PCSK2: variants seen among roughly 807,000 people sequenced by gnomAD.
PCSK2 encodes the protein proprotein convertase subtilisin/kexin type 2, also known as neuroendocrine convertase 2.
PCSK2 carries 14 observed loss-of-function variants against 69.7 expected under a neutral mutation model. The observed-to-expected ratio is 0.20, with a 90% confidence interval of 0.13 to 0.31. The LOEUF is 0.31. PCSK2 is among the 10% of genes least tolerant of loss of function. The pLI, the probability that PCSK2 is intolerant of heterozygous loss-of-function variation, is 1.00. For missense variants in PCSK2, 544 were observed against 842.5 expected, an observed-to-expected ratio of 0.65 and a Z score of 4.39; for synonymous variants, 307 against 320.7, an observed-to-expected ratio of 0.96 and a Z score of 0.46.
intron 4 of PCSK2, 152 bp from the exon 5 acceptor site, chr20:17,369,088 C>T: frequency 1.5e-6 from 1 of 685,098 alleles, no homozygotes. Flanking sequence ...AAGGGAGGTG[C>T]AAGACTGGGA....
At chr20:17,249,776 TA>T (rs1986905274) in intron 1 of PCSK2, among the ~76,000 whole-genome samples, 1 of 152,100 alleles carries the variant, frequency 6.6e-6, no homozygotes, top group South Asian at 2.1e-4. Context: ...TCCACTTATA[TA>T]ACCTAATTCG....
In PCSK2 at chr20:17,450,017, C is replaced by CTTTTTTTTTTTTTTTTTTTTTTTTTT. The variant is rs61156656; in HGVS notation, c.886-3720_886-3695dup. ...TTTTTAAGTTTGTTGAATTTCTTCCCTTTTTTTTTTTTTTTTTTTTTTTTT... is the reference window on the plus strand; with the variant it reads ...TTTTTAAGTTTGTTGAATTTCTTCCCTTTTTTTTTTTTTTTTTTTTTTTTTTTTTTTTTTTTTTTTTTTTTTTTTTT... On this transcript the variant is annotated intron_variant, in intron 8 of 11. Transcript: ENST00000262545. Among the ~76,000 whole-genome samples the CTTTTTTTTTTTTTTTTTTTTTTTTTT allele has an allele frequency of 2.1e-4, 13 of 61,834 alleles. 1 individual carries two copies. Among genetic ancestry groups the CTTTTTTTTTTTTTTTTTTTTTTTTTT allele is most frequent in the Non-Finnish European group, 3.4e-4 (12 of 34,974 alleles). The allele number at this position is 61,834 out of a possible 152,430, so 40.6% of individuals were successfully genotyped here. A position where few individuals can be genotyped will look rare whatever the true frequency, so the allele number is the denominator to read the frequency against.
intron 5 of PCSK2, among the ~76,000 whole-genome samples, chr20:17,407,656 C>T (rs963187680): frequency 2.0e-5 from 3 of 152,098 alleles, no homozygotes; most frequent in Non-Finnish European, 4.4e-5. Context: ...CCCAGGAACA[C>T]GGATTGCGGG....
In PCSK2 at chr20:17,430,677, G is replaced by A. The variant is rs915812088; in HGVS notation, c.709+1154G>A. On this transcript the variant is annotated intron_variant, in intron 7 of 11. Transcript: ENST00000262545. ...ACATCCAAAATGCTGGCATTAAAAT[G>A]TCAGGAGCCATTATGAGCTCAGGGG... Among the ~76,000 whole-genome samples, 5 of 152,314 alleles carry A rather than the reference G, an allele frequency of 3.3e-5. No homozygotes were observed. In the East Asian group the frequency reaches 9.6e-4, roughly 29 times the overall value.
At chr20:17,461,639 C>T (rs2033015616) in intron 10 of PCSK2, among the ~76,000 whole-genome samples, 1 of 152,214 alleles carries the variant, frequency 6.6e-6, no homozygotes, top group Admixed American at 6.5e-5. Context: ...TCTAAAGATG[C>T]ATGTGCTGAC....
chr20:17,293,808 T>C (rs1012527880), intron 2 of PCSK2, among the ~76,000 whole-genome samples: 1 of 152,202 alleles, frequency 6.6e-6, no homozygotes, highest in African/African-American at 2.4e-5. Context: ...TTCTCAGGAA[T>C]TGTTCAGCCC....
intron 5 of PCSK2, among the ~76,000 whole-genome samples, chr20:17,378,921 C>A (rs1461934173): frequency 6.6e-6 from 1 of 152,188 alleles, no homozygotes; most frequent in Non-Finnish European, 1.5e-5. Flanking sequence ...TATATACGCA[C>A]TGAATTCCCA....
intron 8 of PCSK2, among the ~76,000 whole-genome samples, chr20:17,448,164 A>G (rs1460401939): frequency 6.6e-6 from 1 of 152,206 alleles, no homozygotes; most frequent in Admixed American, 6.5e-5. Flanking sequence ...TTACAAAAAG[A>G]TAAGCTCTCC....
intron 5 of PCSK2, among the ~76,000 whole-genome samples, chr20:17,403,373 G>T (rs912463816): frequency 3.9e-5 from 6 of 152,216 alleles, no homozygotes; most frequent in African/African-American, 1.4e-4. Flanking sequence ...ACCAGTGCAT[G>T]TGGGAGAATT....
At chr20:17,278,625 A>G (rs1988185105) in intron 2 of PCSK2, among the ~76,000 whole-genome samples, 1 of 152,150 alleles carries the variant, frequency 6.6e-6, no homozygotes, top group Non-Finnish European at 1.5e-5. Context: ...ATGCTAAATG[A>G]CGAGTTAATG....
At chr20:17,383,814 A>C (rs775385767) in intron 5 of PCSK2, among the ~76,000 whole-genome samples, 3 of 152,210 alleles carry the variant, frequency 2.0e-5, no homozygotes, top group Non-Finnish European at 4.4e-5. Flanking sequence ...TATTAATATT[A>C]AACTTGATGC....
chr20:17,435,938 C>T (rs1311254859), intron 7 of PCSK2, among the ~76,000 whole-genome samples: 1 of 152,182 alleles, frequency 6.6e-6, no homozygotes, highest in Non-Finnish European at 1.5e-5. Flanking sequence ...GGGGGCAGCG[C>T]CAGCACCTTC....
In PCSK2 at chr20:17,481,832, G is replaced by A. The variant is rs765879768; in HGVS notation, c.1679G>A (p.Trp560Ter). The A allele has an allele frequency of 6.2e-7, 1 of 1,614,142 alleles. No homozygotes were observed. Among genetic ancestry groups the A allele is most frequent in the Non-Finnish European group, 8.5e-7 (1 of 1,180,014 alleles). The part of the protein sequence containing the change: ...DKWPFMTTHT[W>*]GEDARGTWTL... The stretch of plus-strand genomic sequence containing the variant: ...TGGCCTTTCATGACCACTCACACGT[G>A]GGGGGAAGACGCCCGAGGCACCTGG... The change falls in exon 12 of 12, where the codon TGG (tryptophan) becomes TAG (stop). Residue 560 changes from tryptophan (W) to a stop codon, truncating the protein, a stop_gained. Transcript: ENST00000262545. LOFTEE classifies it high-confidence loss of function.
At position 17,328,780 on chromosome 20, in the gene PCSK2, G is replaced by A. The variant is rs73251735; in HGVS notation, c.283-29547G>A. On this transcript the variant is annotated intron_variant, in intron 2 of 11. Coordinates refer to ENST00000262545, the MANE Select transcript of PCSK2 (RefSeq NM_002594.5). Reference sequence around the variant, plus strand: ...CACACAGTCAACTTGTGGCTGAGCTGTGAGTTAAATGATGAAACTGAAGCA... The same window carrying A: ...CACACAGTCAACTTGTGGCTGAGCTATGAGTTAAATGATGAAACTGAAGCA... Among the ~76,000 whole-genome samples, 1,384 of 152,330 alleles carry A rather than the reference G, an allele frequency of 9.1e-3. 23 individuals carry two copies. Among genetic ancestry groups the A allele is most frequent in the African/African-American group, 0.031 (1,282 of 41,564 alleles).
intron 10 of PCSK2, chr20:17,465,041 A>G: frequency 2.3e-6 from 1 of 433,804 alleles, no homozygotes; most frequent in South Asian, 2.8e-5. Flanking sequence ...AACACTTAAC[A>G]TTGTCAGTCT....
intron 11 of PCSK2, among the ~76,000 whole-genome samples, chr20:17,480,976 G>A (rs773358806): frequency 2.0e-5 from 3 of 152,206 alleles, no homozygotes; most frequent in African/African-American, 4.8e-5. Context: ...AGCAGTGGAC[G>A]TGCAAGGGAG....
intron 2 of PCSK2, among the ~76,000 whole-genome samples, chr20:17,324,153 G>T (rs1989965667): frequency 6.6e-6 from 1 of 152,166 alleles, no homozygotes; most frequent in Non-Finnish European, 1.5e-5. Context: ...ACCTTGTATT[G>T]GCTGCCTTTT....
intron 2 of PCSK2, among the ~76,000 whole-genome samples, chr20:17,272,821 T>A (rs1350472525): frequency 6.6e-6 from 1 of 152,100 alleles, no homozygotes; most frequent in East Asian, 1.9e-4. Flanking sequence ...ATTTGAAGAC[T>A]GTTTATATGG....
At chr20:17,442,172 G>A (rs1202693571) in intron 8 of PCSK2, among the ~76,000 whole-genome samples, 1 of 151,790 alleles carries the variant, frequency 6.6e-6, no homozygotes, top group Non-Finnish European at 1.5e-5. Context: ...AAAGGAATGG[G>A]ATAGATTCCT....
Sources: gnomAD v4.1 joint callset for allele counts (sites outside exome capture counted in the v4.1 genomes callset) on GRCh38, gnomAD v4.1.1 for gene constraint, MANE v1.5 for transcripts, NCBI Gene and HGNC (gene_info 2026-07-23, HGNC 2026-07-21) for gene names.